Variants in MIDEAS observed in about 807,000 individuals in gnomAD.
MIDEAS encodes the protein mitotic deacetylase-associated SANT domain protein.
In MIDEAS, 26 loss-of-function variants were observed where a neutral mutation model predicts 102.7. That is an observed-to-expected ratio of 0.25 (90% CI 0.19 to 0.35). MIDEAS has a LOEUF of 0.35. Among genes scored for constraint, MIDEAS ranks in the 10% least tolerant of loss-of-function variants. The pLI, the probability that MIDEAS is intolerant of heterozygous loss-of-function variation, is 1.00. For missense variants in MIDEAS, 1,231 were observed against 1,435.6 expected (o/e 0.86, Z 2.30); for synonymous variants, 585 against 591.0 (o/e 0.99, Z 0.15).
At chr14:73,780,478 G>C (rs56196901) in intron 1 of MIDEAS, among the ~76,000 whole-genome samples, 1 of 152,154 alleles carries the variant, frequency 6.6e-6, no homozygotes, top group African/African-American at 2.4e-5. Context: ...ACTATTCCTC[G>C]GGTTCTTCAT....
Position 73,727,502 on chromosome 14 carries a change from A to G in MIDEAS, c.2118T>C (p.Pro706=), listed in dbSNP as rs745559321. 9.9e-6 allele frequency: 16 copies of G among 1,613,192 alleles called. No homozygotes were observed. The Admixed American group carries it at 2.5e-4, about 25-fold the overall frequency. ...LRTNSAEVTP[P]VLSVMGEATP... Reference sequence around the variant, plus strand: ...TGGCCTCCCCCATCACAGAGAGGACAGGCGGGGTTACTTCAGCACTGTCTA... The same window carrying G: ...TGGCCTCCCCCATCACAGAGAGGACGGGCGGGGTTACTTCAGCACTGTCTA... The change falls in exon 5 of 13, where the codon CCT becomes CCC. Residue 706 remains proline, a synonymous_variant. Transcript: ENST00000423556.
intron 11 of MIDEAS, 29 bp from the exon 12 acceptor site, chr14:73,719,530 G>A (rs2052954165): frequency 1.9e-6 from 3 of 1,605,468 alleles, no homozygotes; most frequent in Non-Finnish European, 2.6e-6. Flanking sequence ...GGAGAGTTGA[G>A]TGATCTGAGC....
At chr14:73,771,320 T>C (rs2053640062) in intron 1 of MIDEAS, among the ~76,000 whole-genome samples, 1 of 152,128 alleles carries the variant, frequency 6.6e-6, no homozygotes, top group African/African-American at 2.4e-5. Context: ...TCCACACGCA[T>C]TCTGTCGGGC....
chr14:73,766,851 A>ATTT lies in MIDEAS; in HGVS notation c.-248+20248_-248+20250dup, dbSNP rs34401057. Among the ~76,000 whole-genome samples, 194 of 75,872 alleles carry ATTT rather than the reference A, an allele frequency of 2.6e-3. 4 individuals carry two copies. Among genetic ancestry groups the ATTT allele is most frequent in the Admixed American group, 3.5e-3 (21 of 6,046 alleles). 49.8% of individuals were successfully genotyped at this position (75,872 alleles called of 152,430 possible). On this transcript the variant is annotated intron_variant, in intron 1 of 11. Transcript: ENST00000394071. ...TACAGGCGTGTGCCACTGCCCGGCC[A>ATTT]TTTTTTTTTTTTTTTTTTTTTTGAG... is the stretch of plus-strand genomic sequence containing the variant.
intron 1 of MIDEAS, among the ~76,000 whole-genome samples, chr14:73,744,579 G>C (rs2053326113): frequency 6.6e-6 from 1 of 152,182 alleles, no homozygotes; most frequent in Non-Finnish European, 1.5e-5. Context: ...TGTCACCCAA[G>C]GGCAAGACAG....
chr14:73,774,985 T>G (rs2159176), intron 1 of MIDEAS, among the ~76,000 whole-genome samples: 26,451 of 151,890 alleles, frequency 0.17, 2,831 homozygotes, highest in Middle Eastern at 0.31. Context: ...GGGGGGAAGT[T>G]CAATTGCAGA....
chr14:73,752,031 C>G (rs897719307), intron 1 of MIDEAS, among the ~76,000 whole-genome samples: 1 of 152,200 alleles, frequency 6.6e-6, no homozygotes, highest in Non-Finnish European at 1.5e-5. Context: ...TGGGTTCCCC[C>G]ACTCAGGACA....
intron 1 of MIDEAS, among the ~76,000 whole-genome samples, chr14:73,769,832 C>A (rs2053625940): frequency 6.6e-6 from 1 of 151,650 alleles, no homozygotes; most frequent in Non-Finnish European, 1.5e-5. Context: ...AAACTCCTGA[C>A]CTGGTGATCT....
intron 1 of MIDEAS, among the ~76,000 whole-genome samples, chr14:73,781,241 AT>A (rs1279741266): frequency 5.3e-5 from 8 of 152,192 alleles, no homozygotes; most frequent in Non-Finnish European, 1.0e-4. Context: ...ATTATCGGAG[AT>A]GCTGTTACTA....
chr14:73,731,122 T>C (rs1291720319), intron 3 of MIDEAS, among the ~76,000 whole-genome samples: 2 of 152,210 alleles, frequency 1.3e-5, no homozygotes, highest in South Asian at 2.1e-4. Flanking sequence ...TGGGCCTCTA[T>C]CTAGAATAGA....
At chr14:73,732,785 CAAAAAAA>C (rs57681928) in intron 3 of MIDEAS, among the ~76,000 whole-genome samples, 1 of 46,072 alleles carries the variant, frequency 2.2e-5, no homozygotes, top group Non-Finnish European at 4.3e-5. Flanking sequence ...GACTCCCTCT[CAAAAAAA>C]AAAAAAAAAA....
At chr14:73,744,515 G>A (rs2053325168) in intron 1 of MIDEAS, among the ~76,000 whole-genome samples, 1 of 152,162 alleles carries the variant, frequency 6.6e-6, no homozygotes, top group Admixed American at 6.5e-5. Context: ...CTTATAGCCT[G>A]GGCAGGCCCC....
intron 1 of MIDEAS, among the ~76,000 whole-genome samples, chr14:73,769,608 T>TG (rs2053623916): frequency 6.6e-6 from 1 of 152,036 alleles, no homozygotes; most frequent in Non-Finnish European, 1.5e-5. Context: ...TGTTTTGTTT[T>TG]GTTTTGTTTT....
chr14:73,747,406 C>A (rs975668921), intron 1 of MIDEAS, among the ~76,000 whole-genome samples: 12 of 152,100 alleles, frequency 7.9e-5, no homozygotes, highest in Non-Finnish European at 1.6e-4. Flanking sequence ...AAGCAAGTGC[C>A]ACCAGGACTA....
upstream of MIDEAS, among the ~76,000 whole-genome samples, chr14:73,789,365 G>C (rs972864590): frequency 6.6e-6 from 1 of 152,098 alleles, no homozygotes; most frequent in African/African-American, 2.4e-5. Flanking sequence ...GCCAACCACC[G>C]TTTGAGGGAG....
chr14:73,725,307 T>G lies in MIDEAS; in HGVS notation c.2539A>C (p.Ile847Leu), dbSNP rs756023163. The change falls in exon 9 of 13, where the codon ATC becomes CTC. Residue 847 changes from isoleucine (I) to leucine (L), a missense_variant. Transcript: ENST00000423556. This position sits in a 1 kb window ranked among gnomAD's most constrained non-coding sequence, Gnocchi z 4.1. ...ACCAGGAAGAAATCCTTCTTGTAGA[T>G]GGCAATGCCTTTGTTGAACAGCTTC... ...ERKLFNKGIA[I>L]YKKDFFLVQK... 6.2e-7 allele frequency: 1 copy of G among 1,614,022 alleles called. No homozygotes were observed. The highest frequency in any genetic ancestry group is 1.3e-5 in the African/African-American group (1 of 74,932).
intron 11 of MIDEAS, 98 bp from the exon 12 acceptor site, chr14:73,719,599 A>G: frequency 8.1e-7 from 1 of 1,241,202 alleles, no homozygotes; most frequent in South Asian, 1.3e-5. Context: ...AGTCATATAT[A>G]TTCCTGCCAA....
intron 1 of MIDEAS, among the ~76,000 whole-genome samples, chr14:73,741,793 T>C (rs1229461560): frequency 6.6e-6 from 1 of 152,180 alleles, no homozygotes; most frequent in African/African-American, 2.4e-5. Context: ...CTCCATTTCC[T>C]TCCTCAGCTC....
chr14:73,758,878 A>T (rs1426992463), intron 1 of MIDEAS: 1 of 154,022 alleles, frequency 6.5e-6, no homozygotes, highest in East Asian at 1.9e-4. Context: ...CTAGACCTTT[A>T]CCCAGAGGCC....
Sources: allele counts gnomAD v4.1 joint callset (sites outside exome capture counted in the v4.1 genomes callset), GRCh38; gene constraint gnomAD v4.1.1; non-coding constraint Gnocchi (gnomAD v3.1); transcripts MANE v1.5; gene names NCBI Gene and HGNC (gene_info 2026-07-23, HGNC 2026-07-21).